PPFIBP2: variants seen among roughly 807,000 people sequenced by gnomAD.
PPFIBP2 encodes PPFIB scaffold protein 2, also known as liprin-beta-2.
PPFIBP2 carries 118 observed loss-of-function variants against 118.3 expected under a neutral mutation model. That is an observed-to-expected ratio of 1.00 (90% CI 0.86 to 1.16). The LOEUF (loss-of-function observed/expected upper bound fraction) is 1.16. Ranked by LOEUF, PPFIBP2 falls within the 50% of genes most tolerant of loss-of-function variation. The pLI is 0.00. For synonymous variants in PPFIBP2, 414 were observed against 397.4 expected (o/e 1.04, Z -0.50); for missense variants, 1,195 against 1,073.1 (o/e 1.11, Z -1.59).
At chr11:7,666,620 G>C in the PPFIBP2 span, 7 of 1,146,260 alleles carry the variant, frequency 6.1e-6, no homozygotes, top group Non-Finnish European at 7.7e-6. Context: ...GACTACACCG[G>C]TCAGCATACT....
intron 5 of PPFIBP2, among the ~76,000 whole-genome samples, chr11:7,608,205 C>T (rs998459936): frequency 6.6e-6 from 1 of 152,166 alleles, no homozygotes; most frequent in Non-Finnish European, 1.5e-5. Context: ...ATTTCCTGGG[C>T]TCATTGAATA....
At chr11:7,615,092 T>C (rs1848476094) in intron 6 of PPFIBP2, among the ~76,000 whole-genome samples, 1 of 152,048 alleles carries the variant, frequency 6.6e-6, no homozygotes, top group African/African-American at 2.4e-5. Context: ...TCCCAGTACT[T>C]TGGGAGGCTG....
chr11:7,593,523 A>G (rs1195673939), intron 4 of PPFIBP2, among the ~76,000 whole-genome samples: 1 of 152,198 alleles, frequency 6.6e-6, no homozygotes, highest in Non-Finnish European at 1.5e-5. Flanking sequence ...CTAAGAATGA[A>G]CAAAATGGGC....
At chr11:7,650,661 C>G (rs1590814520) in intron 21 of PPFIBP2, 179 bp from the exon 22 acceptor site, 2 of 495,368 alleles carry the variant, frequency 4.0e-6, no homozygotes, top group Non-Finnish European at 3.5e-6. Flanking sequence ...AGTGGGAGCT[C>G]TATTTCCTAG....
intron 2 of PPFIBP2, among the ~76,000 whole-genome samples, chr11:7,549,922 G>C (rs570628870): frequency 1.3e-5 from 2 of 152,314 alleles, no homozygotes; most frequent in Non-Finnish European, 1.5e-5. Context: ...ACCTAATGCA[G>C]GTGTCAGCGT....
At chr11:7,648,946 T>C (rs1391776697) in intron 19 of PPFIBP2, 35 bp downstream of exon 19, 4 of 1,560,048 alleles carry the variant, frequency 2.6e-6, no homozygotes, top group Non-Finnish European at 3.5e-6. Context: ...AGAATGTCTC[T>C]GGCAGCAACT....
At chr11:7,593,366 T>A in intron 4 of PPFIBP2, 142 bp downstream of exon 4, 1 of 1,293,432 alleles carries the variant, frequency 7.7e-7, no homozygotes. Flanking sequence ...AGACTTTTCC[T>A]GAAATAAAAC....
intron 1 of PPFIBP2, among the ~76,000 whole-genome samples, chr11:7,536,406 G>T (rs946608767): frequency 2.0e-5 from 3 of 152,176 alleles, no homozygotes; most frequent in Non-Finnish European, 2.9e-5. Flanking sequence ...CAGGGTCAAA[G>T]GACATGTTCT....
Position 7,558,485 on chromosome 11 carries a change from G to A in PPFIBP2, c.65-7068G>A, listed in dbSNP as rs145332456. Among the ~76,000 whole-genome samples, 361 of 152,314 alleles carry A rather than the reference G, an allele frequency of 2.4e-3. 1 individual carries two copies. The highest frequency in any genetic ancestry group is 8.2e-3 in the African/African-American group (342 of 41,574). ...CATTAAAAGGCTTTCAGCTGGCTGC[G>A]GTGGCTCACGCCTATATCCCAGCAC... is the stretch of plus-strand genomic sequence containing the variant. On this transcript the variant is annotated intron_variant, in intron 2 of 23. Transcript: ENST00000299492.
intron 14 of PPFIBP2, 73 bp downstream of exon 14, chr11:7,635,666 A>AAG (rs1221854000): frequency 4.7e-6 from 7 of 1,489,606 alleles, no homozygotes. Flanking sequence ...AGCAAGTCAT[A>AAG]GTTTTCATAA....
At chr11:7,574,807 C>T (rs745961716) in intron 3 of PPFIBP2, among the ~76,000 whole-genome samples, 10 of 152,150 alleles carry the variant, frequency 6.6e-5, no homozygotes, top group Admixed American at 3.3e-4. Context: ...CCAACCTGCT[C>T]CTAGGTCTTT....
intron 1 of PPFIBP2, among the ~76,000 whole-genome samples, chr11:7,532,804 G>A (rs1850838155): frequency 2.6e-5 from 4 of 152,164 alleles, no homozygotes; most frequent in African/African-American, 9.7e-5. Context: ...TTTATTGCAA[G>A]GGGAAAAGCA....
chr11:7,658,129 C>T (rs1346508654), downstream of PPFIBP2, among the ~76,000 whole-genome samples: 1 of 152,166 alleles, frequency 6.6e-6, no homozygotes, highest in Non-Finnish European at 1.5e-5. Context: ...GTTTCTGCAG[C>T]CTAAAAGAGC....
At chr11:7,560,319 C>G (rs1264772957) in intron 2 of PPFIBP2, among the ~76,000 whole-genome samples, 1 of 152,296 alleles carries the variant, frequency 6.6e-6, no homozygotes, top group East Asian at 1.9e-4. Flanking sequence ...TTGAATCTCT[C>G]ACTTAGAGTC....
chr11:7,625,942 C>T (rs374759162), intron 8 of PPFIBP2, 51 bp downstream of exon 8: 16 of 1,442,358 alleles, frequency 1.1e-5, no homozygotes, highest in Admixed American at 1.8e-5. Context: ...CCTGGGTCTA[C>T]TCTTATAAGT....
rs767742829 is a variant in PPFIBP2 at position 7,653,586 on chromosome 11, C to T, written c.*368C>T. 13 of 1,303,080 alleles carry T rather than the reference C, an allele frequency of 1.0e-5. No individual in the cohort carries two copies. Among genetic ancestry groups the T allele is most frequent in the South Asian group, 3.7e-5 (3 of 81,140 alleles). The allele number at this position is 1,303,080 out of a possible 1,614,324, so 80.7% of individuals were successfully genotyped here. A position where few individuals can be genotyped will look rare whatever the true frequency, so the allele number is the denominator to read the frequency against. On this transcript the variant is annotated 3_prime_UTR_variant, in exon 24 of 24. Transcript: ENST00000299492. ...GCTCAGCTCTCAGGCACCCCCTACA[C>T]TTCAGTTGAGGGAAAAGCTCAAGTG...
At chr11:7,665,150 G>A in the PPFIBP2 span, 4 of 438,246 alleles carry the variant, frequency 9.1e-6, no homozygotes, top group Middle Eastern at 6.0e-4. Context: ...GAAAGATACT[G>A]AAATGGAGCT....
intron 22 of PPFIBP2, 134 bp from the exon 23 acceptor site, chr11:7,651,522 C>G (rs562184852): frequency 1.3e-6 from 1 of 746,690 alleles, no homozygotes; most frequent in Admixed American, 2.6e-5. Context: ...TGGAGTGGGA[C>G]TCAGAACAAG....
intron 17 of PPFIBP2, among the ~76,000 whole-genome samples, chr11:7,643,186 C>G (rs1269119494): frequency 6.6e-6 from 1 of 152,248 alleles, no homozygotes; most frequent in Admixed American, 6.5e-5. Context: ...ATTAGATATT[C>G]TAATTTACTT....
Sources: allele counts gnomAD v4.1 joint callset (sites outside exome capture counted in the v4.1 genomes callset), GRCh38; gene constraint gnomAD v4.1.1; transcripts MANE v1.5; gene names NCBI Gene and HGNC (gene_info 2026-07-23, HGNC 2026-07-21).